The following BLK variants were observed in gnomAD, a reference collection of about 807,000 sequenced individuals.
The protein encoded by BLK is tyrosine-protein kinase Blk.
In BLK, 64 loss-of-function variants were observed where a neutral mutation model predicts 61.8. The ratio of observed to expected loss-of-function variants is 1.03; its 90% CI spans 0.85 to 1.27. BLK has a LOEUF of 1.27. Among genes scored for constraint, BLK ranks in the 50% most tolerant of loss-of-function variants. BLK has a pLI of 0.00. For missense variants in BLK, 853 were observed against 660.5 expected (o/e 1.29, Z -3.19); for synonymous variants, 351 against 272.0 (o/e 1.29, Z -2.86).
chr8:11,497,597 C>G (rs1798406066), intron 1 of BLK, among the ~76,000 whole-genome samples: 1 of 152,174 alleles, frequency 6.6e-6, no homozygotes, highest in Non-Finnish European at 1.5e-5. Context: ...AGTGCCTGGC[C>G]CACCAGGGGT....
At chr8:11,545,865 G>C in intron 2 of BLK, 187 bp from the exon 3 acceptor site, 1 of 705,284 alleles carries the variant, frequency 1.4e-6, no homozygotes, top group Non-Finnish European at 2.6e-6. Flanking sequence ...GAGGGCGGGG[G>C]TCTGTCTGAG....
chr8:11,557,928 T>G, intron 9 of BLK, 34 bp from the exon 10 acceptor site: 3 of 1,607,632 alleles, frequency 1.9e-6, no homozygotes, highest in Non-Finnish European at 2.6e-6. Flanking sequence ...CGGGTCACTT[T>G]GCAGAAGGGC....
At chr8:11,551,340 C>G (rs1036982096) in intron 6 of BLK, among the ~76,000 whole-genome samples, 13 of 152,216 alleles carry the variant, frequency 8.5e-5, no homozygotes, top group Non-Finnish European at 1.3e-4. Flanking sequence ...CCTTGGCTTG[C>G]CGATGGCCGT....
intron 1 of BLK, among the ~76,000 whole-genome samples, chr8:11,529,214 A>C (rs1446837222): frequency 1.3e-5 from 2 of 152,198 alleles, no homozygotes; most frequent in Non-Finnish European, 2.9e-5. Context: ...ATCAAGACAG[A>C]GGAATTGCAA....
At chr8:11,518,029 C>T (rs1361216437) in intron 1 of BLK, among the ~76,000 whole-genome samples, 1 of 152,182 alleles carries the variant, frequency 6.6e-6, no homozygotes, top group Non-Finnish European at 1.5e-5. Flanking sequence ...CAGGGCCTGC[C>T]CCAGATGCCA....
intron 10 of BLK, chr8:11,558,712 G>T (rs751492350): frequency 2.2e-6 from 1 of 456,234 alleles, no homozygotes; most frequent in East Asian, 6.9e-5. Context: ...GGTTTTAGCC[G>T]AGAGCTCTAG....
At chr8:11,507,373 C>T (rs1798816341) in intron 1 of BLK, among the ~76,000 whole-genome samples, 2 of 152,198 alleles carry the variant, frequency 1.3e-5, no homozygotes. Flanking sequence ...TGGCCCTGGC[C>T]TGGACCACCA....
chr8:11,564,010 C>G lies in BLK; in HGVS notation c.1420C>G (p.Arg474Gly). 1 of 1,605,264 alleles carries G rather than the reference C, an allele frequency of 6.2e-7. No individual in the cohort carries two copies. Among genetic ancestry groups the G allele is most frequent in the South Asian group, 1.1e-5 (1 of 90,872 alleles). ...CCGCGGCGTCATCGCCGAGTGCTGG[C>G]GCAGCCGGCCCGAGGAGCGGCCCAC... The part of the protein sequence containing the change: ...LYRGVIAECW[R>G]SRPEERPTFE... The change falls in exon 13 of 13, where the codon CGC becomes GGC. Residue 474 changes from arginine to glycine, a missense_variant. Physicochemically the swap from Arg to Gly is moderately radical, Grantham distance 125 (BLOSUM62 -2). Coordinates refer to ENST00000259089, the MANE Select transcript of BLK (RefSeq NM_001715.3).
intron 1 of BLK, among the ~76,000 whole-genome samples, chr8:11,505,076 C>G (rs149850295): frequency 1.6e-4 from 24 of 152,188 alleles, no homozygotes; most frequent in African/African-American, 5.8e-4. Flanking sequence ...GTAGAAATAC[C>G]TAGACACAGA....
chr8:11,504,278 G>A (rs908038807), intron 1 of BLK, among the ~76,000 whole-genome samples: 44 of 151,310 alleles, frequency 2.9e-4, no homozygotes, highest in African/African-American at 1.0e-3. Flanking sequence ...AGCTGAGATC[G>A]CACCATTGCA....
chr8:11,562,873 C>A, intron 11 of BLK, 106 bp from the exon 12 acceptor site: 1 of 1,526,060 alleles, frequency 6.6e-7, no homozygotes, highest in Non-Finnish European at 9.0e-7. Flanking sequence ...TGAGGCCCCG[C>A]AGTGGGGGCT....
intron 1 of BLK, among the ~76,000 whole-genome samples, chr8:11,504,098 C>T (rs908104420): frequency 2.6e-5 from 4 of 152,090 alleles, no homozygotes; most frequent in Non-Finnish European, 4.4e-5. Flanking sequence ...CCGAGGCAGG[C>T]GGATCACTTG....
chr8:11,559,581 G>T lies in BLK; in HGVS notation c.1029+1543G>T, dbSNP rs577573170. ...AGCAGACACACACCCGGCCCTTCTGGGCTCTTCTTTTCTTACTCCATAGGA... is the reference window on the plus strand; with the variant it reads ...AGCAGACACACACCCGGCCCTTCTGTGCTCTTCTTTTCTTACTCCATAGGA... On this transcript the variant is annotated intron_variant, in intron 10 of 12. Transcript: ENST00000259089. Among the ~76,000 whole-genome samples, 30 of 152,050 alleles carry T rather than the reference G, an allele frequency of 2.0e-4. No individual in the cohort carries two copies. In the South Asian group the frequency reaches 6.2e-3, roughly 32 times the overall value.
intron 10 of BLK, chr8:11,559,771 G>T (rs1216750682): frequency 4.4e-6 from 2 of 456,188 alleles, no homozygotes; most frequent in Non-Finnish European, 8.8e-6. Context: ...AGGAAGCCTT[G>T]AACACTTCCC....
chr8:11,553,486 C>A (rs1183621213), intron 6 of BLK: 2 of 386,298 alleles, frequency 5.2e-6, no homozygotes, highest in Non-Finnish European at 1.0e-5. Flanking sequence ...AGCAGCCAGG[C>A]AAGTGAGGGG....
At chr8:11,504,786 C>A (rs965993764) in intron 1 of BLK, among the ~76,000 whole-genome samples, 5 of 152,242 alleles carry the variant, frequency 3.3e-5, no homozygotes, top group African/African-American at 1.2e-4. Context: ...TAGTGTTGGG[C>A]ACCCTGGTGC....
intron 1 of BLK, among the ~76,000 whole-genome samples, chr8:11,541,684 G>C (rs1474701153): frequency 3.3e-5 from 5 of 152,138 alleles, no homozygotes; most frequent in Admixed American, 2.0e-4. Context: ...TTTTACTAGA[G>C]ATGGAGATTC....
At chr8:11,518,869 C>G (rs1466735350) in intron 1 of BLK, among the ~76,000 whole-genome samples, 1 of 152,190 alleles carries the variant, frequency 6.6e-6, no homozygotes, top group African/African-American at 2.4e-5. Flanking sequence ...AGAGCCGTCT[C>G]TCTGCTCTGC....
intron 1 of BLK, among the ~76,000 whole-genome samples, chr8:11,521,851 G>A (rs988581273): frequency 1.3e-5 from 2 of 152,062 alleles, no homozygotes; most frequent in African/African-American, 4.8e-5. Context: ...CATCTAGGAG[G>A]GGACTCCTCT....
Sources: gnomAD v4.1 joint callset for allele counts (sites outside exome capture counted in the v4.1 genomes callset) on GRCh38, gnomAD v4.1.1 for gene constraint, MANE v1.5 for transcripts, NCBI Gene and HGNC (gene_info 2026-07-23, HGNC 2026-07-21) for gene names.